The following ADAMTS18 variants were observed in gnomAD, a reference collection of about 807,000 sequenced individuals.
ADAMTS18 encodes the protein A disintegrin and metalloproteinase with thrombospondin motifs 18.
ADAMTS18 carries 157 observed loss-of-function variants against 165.9 expected under a neutral mutation model. The ratio of observed to expected loss-of-function variants is 0.95; its 90% confidence interval spans 0.83 to 1.08. The LOEUF is 1.08. Among genes scored for constraint, ADAMTS18 ranks in the 50% least tolerant of loss-of-function variants. ADAMTS18 has a pLI of 0.00. For missense variants in ADAMTS18, 2,040 were observed against 1,534.0 expected (o/e 1.33, Z -5.51); for synonymous variants, 782 against 578.2 (o/e 1.35, Z -5.06).
Position 77,353,656 on chromosome 16 carries a change from A to G in ADAMTS18, c.1614+77T>C, listed in dbSNP as rs369461532. 1.7e-5 allele frequency: 28 copies of G among 1,607,448 alleles called. No homozygotes were observed. In the East Asian group the frequency reaches 1.8e-4, roughly 10 times the overall value. On this transcript the variant is annotated intron_variant, in intron 10 of 22. Transcript: ENST00000282849. ...ACCTAACCCTTGGCCTTGGCAAACC[A>G]AATGTTTACACTTCTGTTAGGGACA...
At chr16:77,407,628 A>T (rs2057409773) in intron 3 of ADAMTS18, among the ~76,000 whole-genome samples, 3 of 152,110 alleles carry the variant, frequency 2.0e-5, no homozygotes, top group African/African-American at 7.2e-5. Flanking sequence ...TACAGAACTC[A>T]GAAACAAACC....
chr16:77,355,832 T>C (rs140364051), intron 9 of ADAMTS18, 108 bp downstream of exon 9: 3 of 1,323,786 alleles, frequency 2.3e-6, no homozygotes, highest in East Asian at 4.6e-5. Context: ...TTTCTGTTTA[T>C]TGACAGGTCA....
chr16:77,368,066 A>G (rs1961869477), intron 3 of ADAMTS18, among the ~76,000 whole-genome samples: 1 of 152,182 alleles, frequency 6.6e-6, no homozygotes. Context: ...TTATAGAAAC[A>G]GGGTCAATGT....
intron 16 of ADAMTS18, among the ~76,000 whole-genome samples, chr16:77,318,821 C>A (rs2144634325): frequency 6.6e-6 from 1 of 152,128 alleles, no homozygotes; most frequent in African/African-American, 2.4e-5. Flanking sequence ...CTTAGTTTCA[C>A]AGGTAACAAA....
intron 19 of ADAMTS18, 27 bp from the exon 20 acceptor site, chr16:77,293,285 G>A (rs998799943): frequency 1.3e-6 from 2 of 1,598,474 alleles, no homozygotes; most frequent in Non-Finnish European, 8.6e-7. Context: ...AGTTCTATTT[G>A]CATTCCCATT....
At chr16:77,314,013 T>C (rs374710706) in intron 16 of ADAMTS18, among the ~76,000 whole-genome samples, 1 of 152,310 alleles carries the variant, frequency 6.6e-6, no homozygotes, top group East Asian at 1.9e-4. Flanking sequence ...ATCCTGGCCA[T>C]AGTCTATTTT....
intron 22 of ADAMTS18, among the ~76,000 whole-genome samples, chr16:77,288,067 T>C (rs1014910404): frequency 6.6e-6 from 1 of 152,154 alleles, no homozygotes; most frequent in Non-Finnish European, 1.5e-5. Flanking sequence ...ATGCATTTAT[T>C]CATTTAAGAC....
chr16:77,356,177 A>T, intron 8 of ADAMTS18, 100 bp from the exon 9 acceptor site: 2 of 1,474,776 alleles, frequency 1.4e-6, no homozygotes, highest in Non-Finnish European at 1.9e-6. Flanking sequence ...CAACAAAACC[A>T]AGTGAGAGAC....
rs1187081905 is a variant in ADAMTS18 at position 77,295,032 on chromosome 16, T to A, written c.2897A>T (p.Lys966Met). The A allele has an allele frequency of 1.2e-6, 2 of 1,614,194 alleles. No individual in the cohort carries two copies. Among genetic ancestry groups the A allele is most frequent in the Non-Finnish European group, 1.7e-6 (2 of 1,180,024 alleles). ...GAGAGAATGCAACACTGCTTCCTCC[T>A]TTTGGAAGGGCTTCTTTTGCACACA... ...IQCVQKKPFQ[K>M]EEAVLHSLCP... is the part of the protein sequence containing the mutation. The change falls in exon 19 of 23, where the codon AAG (lysine) becomes ATG (methionine). Residue 966 changes from lysine (K) to methionine (M), a missense_variant. Lys to Met is a moderately conservative substitution (Grantham distance 95). Coordinates refer to ENST00000282849, the MANE Select transcript of ADAMTS18 (RefSeq NM_199355.4).
chr16:77,434,563 C>G (rs1391362570), intron 1 of ADAMTS18, 43 bp downstream of exon 1: 1 of 1,529,984 alleles, frequency 6.5e-7, no homozygotes, highest in African/African-American at 1.4e-5. Context: ...GCGTCGGGCG[C>G]CCCCTGCCAC....
intron 7 of ADAMTS18, among the ~76,000 whole-genome samples, chr16:77,360,680 A>G (rs2056699536): frequency 6.6e-6 from 1 of 152,224 alleles, no homozygotes; most frequent in African/African-American, 2.4e-5. Context: ...TTTCTATGGA[A>G]CAATTCCCAA....
intron 3 of ADAMTS18, among the ~76,000 whole-genome samples, chr16:77,371,069 G>C (rs1056397262): frequency 2.0e-5 from 3 of 152,054 alleles, no homozygotes; most frequent in African/African-American, 7.2e-5. Flanking sequence ...ACAAATATTA[G>C]CCAGGTGTGG....
intron 12 of ADAMTS18, among the ~76,000 whole-genome samples, chr16:77,328,435 C>T (rs115573511): frequency 0.013 from 1,938 of 152,182 alleles, 39 homozygotes; most frequent in African/African-American, 0.045. Context: ...GTTGCTTCAG[C>T]GTAATTAATT....
rs1247757997 is a variant in ADAMTS18, at chr16:77,283,930, C to T, written c.*26G>A. ...GAGGTTGAAAGGTAAGCCCCTGGCC[C>T]TAAGGTGCTGGGGAGGACACCAAGA... is the stretch of plus-strand genomic sequence containing the variant. On this transcript the variant is annotated 3_prime_UTR_variant, in exon 23 of 23. Coordinates refer to ENST00000282849, the MANE Select transcript of ADAMTS18 (RefSeq NM_199355.4). The T allele has an allele frequency of 1.3e-6, 2 of 1,578,978 alleles. No homozygotes were observed. The highest frequency in any genetic ancestry group is 1.3e-5 in the African/African-American group (1 of 74,194).
chr16:77,334,490 T>C (rs1290612452), intron 12 of ADAMTS18, among the ~76,000 whole-genome samples: 20 of 112,248 alleles, frequency 1.8e-4, no homozygotes, highest in African/African-American at 7.4e-4. Flanking sequence ...ATATATTATA[T>C]AGTATATATA....
chr16:77,295,149 T>G, intron 18 of ADAMTS18, 22 bp from the exon 19 acceptor site: 1 of 1,613,656 alleles, frequency 6.2e-7, no homozygotes, highest in Non-Finnish European at 8.5e-7. Context: ...AAACAAACAT[T>G]ACCAATGAAG....
intron 9 of ADAMTS18, 43 bp from the exon 10 acceptor site, chr16:77,353,929 T>TG: frequency 1.2e-6 from 2 of 1,612,586 alleles, no homozygotes; most frequent in Non-Finnish European, 1.7e-6. Flanking sequence ...TGTTGATCTG[T>TG]GATCTTTCCA....
intron 3 of ADAMTS18, among the ~76,000 whole-genome samples, chr16:77,411,675 GAATTT>G: frequency 1.0e-5 from 1 of 98,742 alleles, no homozygotes; most frequent in South Asian, 3.3e-4. Context: ...AGAGTATCCA[GAATTT>G]TTTTTTTTTT....
chr16:77,297,145 T>C, intron 18 of ADAMTS18, 144 bp downstream of exon 18: 1 of 1,237,874 alleles, frequency 8.1e-7, no homozygotes, highest in Non-Finnish European at 1.1e-6. Context: ...TAGCTCATCA[T>C]CTTCTATTAC....
Sources: gnomAD v4.1 joint callset for allele counts (sites outside exome capture counted in the v4.1 genomes callset) on GRCh38, gnomAD v4.1.1 for gene constraint, MANE v1.5 for transcripts, NCBI Gene and HGNC (gene_info 2026-07-23, HGNC 2026-07-21) for gene names.